The following SSBP2 variants were observed in gnomAD, a reference collection of about 807,000 sequenced individuals.
SSBP2 encodes single stranded DNA binding protein 2.
Under a neutral mutation model 61.8 loss-of-function variants are expected in SSBP2, and 17 were observed. That is an observed-to-expected ratio of 0.28 (90% CI 0.19 to 0.41). The LOEUF is 0.41. SSBP2 is among the 10% of genes least tolerant of loss of function. The pLI is 1.00. For missense variants in SSBP2, 310 were observed against 458.7 expected (o/e 0.68, Z 2.96); for synonymous variants, 139 against 141.3 (o/e 0.98, Z 0.12).
chr5:81,474,614 T>C (rs772811773), intron 6 of SSBP2, 52 bp from the exon 7 acceptor site: 7 of 1,340,140 alleles, frequency 5.2e-6, no homozygotes, highest in Middle Eastern at 2.2e-4. Context: ...ATTTATAAAA[T>C]AAGTTTTTTA....
chr5:81,553,150 A>C (rs1313955928), intron 4 of SSBP2, among the ~76,000 whole-genome samples: 2 of 152,160 alleles, frequency 1.3e-5, no homozygotes, highest in African/African-American at 2.4e-5. Flanking sequence ...ATTAACAGCA[A>C]TATTGAATTT....
At chr5:81,690,952 A>G (rs1753162400) in intron 1 of SSBP2, among the ~76,000 whole-genome samples, 1 of 152,126 alleles carries the variant, frequency 6.6e-6, no homozygotes, top group African/African-American at 2.4e-5. Flanking sequence ...AATTGAACAA[A>G]TGTCCTCCTA....
chr5:81,604,371 A>G (rs1020650018), intron 4 of SSBP2, among the ~76,000 whole-genome samples: 5 of 151,724 alleles, frequency 3.3e-5, no homozygotes, highest in African/African-American at 2.4e-5. Flanking sequence ...AAATGTTTAC[A>G]CTCACTCTTA....
At position 81,416,351 on chromosome 5, in the gene SSBP2, T is replaced by C. The variant is rs1248799879; in HGVS notation, c.*4153A>G. ...AGCAGTGATAATCAAGAAATGAAAA[T>C]TGCAATTATTTCTCCTGGGAAAACT... On this transcript the variant is annotated 3_prime_UTR_variant, in exon 17 of 17. Transcript: ENST00000320672. 1 of 152,140 alleles carries C rather than the reference T, an allele frequency of 6.6e-6. No homozygotes were observed. The highest frequency in any genetic ancestry group is 1.5e-5 in the Non-Finnish European group (1 of 68,060). The allele number at this position is 152,140 out of a possible 1,614,324, so 9.4% of individuals were successfully genotyped here. A position where few individuals can be genotyped will look rare whatever the true frequency, so the allele number is the denominator to read the frequency against.
At chr5:81,547,243 G>C (rs760487627) in intron 4 of SSBP2, among the ~76,000 whole-genome samples, 1 of 152,040 alleles carries the variant, frequency 6.6e-6, no homozygotes, top group Non-Finnish European at 1.5e-5. Flanking sequence ...ATATGATCCA[G>C]CAACTGCTCT....
chr5:81,716,767 T>C (rs908914492), intron 1 of SSBP2, among the ~76,000 whole-genome samples: 2 of 152,210 alleles, frequency 1.3e-5, no homozygotes, highest in African/African-American at 4.8e-5. Context: ...CCTAACATAA[T>C]GCCTTATTGT....
At chr5:81,725,406 TC>T in intron 1 of SSBP2, among the ~76,000 whole-genome samples, 1 of 152,280 alleles carries the variant, frequency 6.6e-6, no homozygotes, top group East Asian at 1.9e-4. Flanking sequence ...TACTATGTAC[TC>T]CTAGTGAGAA....
At chr5:81,594,640 G>A (rs1171617319) in intron 4 of SSBP2, among the ~76,000 whole-genome samples, 1 of 152,150 alleles carries the variant, frequency 6.6e-6, no homozygotes. Flanking sequence ...ATAACAAACT[G>A]TCTCTCAGAC....
intron 4 of SSBP2, among the ~76,000 whole-genome samples, chr5:81,607,186 T>C (rs1330444828): frequency 6.6e-6 from 1 of 152,138 alleles, no homozygotes; most frequent in East Asian, 1.9e-4. Flanking sequence ...TTCTCATATC[T>C]ATCTTAGGAA....
chr5:81,414,395 G>A lies in SSBP2; in HGVS notation c.*6109C>T, dbSNP rs1761233117. 1 of 151,994 alleles carries A rather than the reference G, an allele frequency of 6.6e-6. No individual in the cohort carries two copies. The highest frequency in any genetic ancestry group is 6.6e-5 in the Admixed American group (1 of 15,248). 9.4% of individuals were successfully genotyped at this position (151,994 alleles called of 1,614,324 possible). ...AAGTTAACAGGGAAAATTTAACAGA[G>A]GAAATTCTCCTTGGGACACTTATTG... On this transcript the variant is annotated 3_prime_UTR_variant, in exon 17 of 17. Coordinates refer to ENST00000320672, the MANE Select transcript of SSBP2 (RefSeq NM_012446.5).
chr5:81,478,141 TCTTA>T (rs1387581690), intron 6 of SSBP2, among the ~76,000 whole-genome samples: 2 of 152,012 alleles, frequency 1.3e-5, no homozygotes, highest in Non-Finnish European at 1.5e-5. Flanking sequence ...AACTTAAAGT[TCTTA>T]CTTTCTAAAA....
intron 1 of SSBP2, among the ~76,000 whole-genome samples, chr5:81,665,836 C>T (rs1258218534): frequency 2.0e-5 from 3 of 152,172 alleles, no homozygotes; most frequent in Non-Finnish European, 4.4e-5. Flanking sequence ...AAAAGAACCT[C>T]TCTTATTCCT....
At chr5:81,583,729 T>C (rs1179724434) in intron 4 of SSBP2, among the ~76,000 whole-genome samples, 1 of 152,040 alleles carries the variant, frequency 6.6e-6, no homozygotes, top group Non-Finnish European at 1.5e-5. Flanking sequence ...ATATTTTAGA[T>C]CATTGGTGAC....
intron 1 of SSBP2, among the ~76,000 whole-genome samples, chr5:81,690,397 G>A (rs2153833156): frequency 6.6e-6 from 1 of 152,036 alleles, no homozygotes; most frequent in African/African-American, 2.4e-5. Flanking sequence ...GAAAATAAAG[G>A]GATTAAGAAA....
intron 4 of SSBP2, among the ~76,000 whole-genome samples, chr5:81,541,690 A>C (rs1305840420): frequency 6.6e-6 from 1 of 152,198 alleles, no homozygotes; most frequent in Non-Finnish European, 1.5e-5. Flanking sequence ...CTATTCAATA[A>C]ATGGTGCTGG....
intron 4 of SSBP2, among the ~76,000 whole-genome samples, chr5:81,535,649 A>C (rs1770748568): frequency 6.6e-6 from 1 of 152,088 alleles, no homozygotes; most frequent in Admixed American, 6.5e-5. Flanking sequence ...AAGGTACTAG[A>C]ATGGAGAAAA....
Position 81,683,430 on chromosome 5 carries a change from G to A in SSBP2, c.63-33091C>T, listed in dbSNP as rs60241617. ...TGTTTGAACAATTGAGCATAGATGT[G>A]CAACAAAATAAATCTAGACACATAT... On this transcript the variant is annotated intron_variant, in intron 1 of 16. Coordinates refer to ENST00000320672, the MANE Select transcript of SSBP2 (RefSeq NM_012446.5). Among the ~76,000 whole-genome samples the A allele has an allele frequency of 7.6e-3, 1,156 of 152,162 alleles. 22 individuals are homozygous for A. Among genetic ancestry groups the A allele is most frequent in the African/African-American group, 0.027 (1,106 of 41,532 alleles).
At chr5:81,746,369 C>A in intron 1 of SSBP2, among the ~76,000 whole-genome samples, 1 of 152,052 alleles carries the variant, frequency 6.6e-6, no homozygotes, top group Non-Finnish European at 1.5e-5. Context: ...AATTTCACTT[C>A]CATAAGATAC....
chr5:81,526,964 CAAAAAACA>C (rs770777672), intron 4 of SSBP2, among the ~76,000 whole-genome samples: 1 of 151,022 alleles, frequency 6.6e-6, no homozygotes, highest in African/African-American at 2.4e-5. Flanking sequence ...AACCAACCAA[CAAAAAACA>C]AAAAAACAAA....
Sources: gnomAD v4.1 joint callset for allele counts (sites outside exome capture counted in the v4.1 genomes callset) on GRCh38, gnomAD v4.1.1 for gene constraint, MANE v1.5 for transcripts, NCBI Gene and HGNC (gene_info 2026-07-23, HGNC 2026-07-21) for gene names.